Variants in NUMB observed in about 807,000 individuals in gnomAD.
NUMB encodes the protein protein numb homolog.
In NUMB, 29 loss-of-function variants were observed where a neutral mutation model predicts 59.7. That is an observed-to-expected ratio of 0.49 (90% CI 0.36 to 0.66). The LOEUF is 0.66. Among genes scored for constraint, NUMB ranks in the 30% least tolerant of loss-of-function variants. The pLI is 0.00. For missense variants in NUMB, 723 were observed against 822.0 expected, an observed-to-expected ratio of 0.88 and a Z score of 1.47; for synonymous variants, 288 against 288.2, an observed-to-expected ratio of 1.00 and a Z score of 0.01.
At chr14:73,428,771 C>T (rs1241262380) in intron 1 of NUMB, among the ~76,000 whole-genome samples, 2 of 152,106 alleles carry the variant, frequency 1.3e-5, no homozygotes, top group Non-Finnish European at 2.9e-5. Flanking sequence ...ATGATCACAC[C>T]ACTGCACTCC....
intron 1 of NUMB, among the ~76,000 whole-genome samples, chr14:73,444,591 T>C (rs921561586): frequency 2.6e-5 from 4 of 152,084 alleles, no homozygotes; most frequent in African/African-American, 9.7e-5. Context: ...TATACATACA[T>C]ACATATGTTT....
At chr14:73,352,537 T>TTG (rs1893453260) in intron 4 of NUMB, among the ~76,000 whole-genome samples, 1 of 76,052 alleles carries the variant, frequency 1.3e-5, no homozygotes, top group African/African-American at 4.5e-5. Flanking sequence ...TATGTTTTTT[T>TTG]TTTTTTTTTT....
chr14:73,377,998 CACACACACACACACACACACAT>C (rs1895043265), intron 2 of NUMB, among the ~76,000 whole-genome samples: 2 of 135,340 alleles, frequency 1.5e-5, no homozygotes, highest in Admixed American at 1.4e-4. Flanking sequence ...TACACATACA[CACACACACACACACACACACAT>C]ACACACACAC....
At chr14:73,350,307 G>A (rs1187843500) in intron 4 of NUMB, among the ~76,000 whole-genome samples, 1 of 151,208 alleles carries the variant, frequency 6.6e-6, no homozygotes, top group East Asian at 2.0e-4. Context: ...CCGAGTAGCT[G>A]GGGTTACAGG....
chr14:73,364,637 A>AT (rs533018770), intron 3 of NUMB, among the ~76,000 whole-genome samples: 4 of 151,204 alleles, frequency 2.6e-5, no homozygotes, highest in Admixed American at 6.6e-5. Flanking sequence ...AATGCGCACT[A>AT]TTTTTTTTTA....
At chr14:73,416,347 T>TTA (rs1555380760) in intron 1 of NUMB, among the ~76,000 whole-genome samples, 1 of 151,448 alleles carries the variant, frequency 6.6e-6, no homozygotes, top group Admixed American at 6.6e-5. Context: ...TTTTTTTTTT[T>TTA]ACTAGAATCA....
Position 73,276,644 on chromosome 14 carries a change from A to G in NUMB, c.1890T>C (p.Arg630=). ...AAGGGTTGGTAGGGGAGGGATTAGT[A>G]CGCTGCTTGGACTTATTTTCTAATG... is the stretch of plus-strand genomic sequence containing the variant. ...WAALENKSKQ[R]TNPSPTNPFS... Residue 630 remains arginine (R), a synonymous_variant, in exon 13 of 13, where the codon CGT becomes CGC. Coordinates refer to ENST00000555238, the MANE Select transcript of NUMB (RefSeq NM_001005743.2). The G allele has an allele frequency of 5.6e-6, 9 of 1,614,224 alleles. No individual in the cohort carries two copies. The highest frequency in any genetic ancestry group is 7.6e-6 in the Non-Finnish European group (9 of 1,180,034).
intron 4 of NUMB, among the ~76,000 whole-genome samples, chr14:73,352,853 A>G (rs1893492056): frequency 6.7e-6 from 1 of 150,116 alleles, no homozygotes; most frequent in Admixed American, 6.7e-5. Context: ...GTAATAGTAT[A>G]TTGTTAATGC....
At chr14:73,281,207 C>T (rs1475239627) in intron 11 of NUMB, among the ~76,000 whole-genome samples, 1 of 151,542 alleles carries the variant, frequency 6.6e-6, no homozygotes, top group East Asian at 1.9e-4. Flanking sequence ...TAAATCCTGT[C>T]TGTAAGATTT....
intron 4 of NUMB, among the ~76,000 whole-genome samples, chr14:73,349,314 A>C (rs1893073843): frequency 6.6e-6 from 1 of 152,142 alleles, no homozygotes; most frequent in Non-Finnish European, 1.5e-5. Flanking sequence ...TAGGCCGGGC[A>C]CAGTGGCTCA....
chr14:73,439,971 T>C (rs150630081), intron 1 of NUMB, among the ~76,000 whole-genome samples: 27 of 152,304 alleles, frequency 1.8e-4, no homozygotes, highest in African/African-American at 6.0e-4. Flanking sequence ...GATGAAATTA[T>C]ATACAACCTG....
rs566563352 is a variant in NUMB, at chr14:73,412,228, A to C, written c.-232-2160T>G. Among the ~76,000 whole-genome samples the C allele has an allele frequency of 3.3e-5, 5 of 152,172 alleles. No individual in the cohort carries two copies. In the South Asian group the frequency reaches 1.0e-3, roughly 32 times the overall value. On this transcript the variant is annotated intron_variant, in intron 1 of 12. Coordinates refer to ENST00000555238, the MANE Select transcript of NUMB (RefSeq NM_001005743.2). ...CACCACGCCCAGCTGGGCAGCTAAC[A>C]TTTAATGGGGACTGATTATTTGCCA...
intron 1 of NUMB, among the ~76,000 whole-genome samples, chr14:73,425,149 A>G (rs1897524911): frequency 6.6e-6 from 1 of 152,200 alleles, no homozygotes; most frequent in African/African-American, 2.4e-5. Context: ...TGTCTCTATG[A>G]CATCTACACA....
At chr14:73,422,508 A>T (rs1348850177) in intron 1 of NUMB, among the ~76,000 whole-genome samples, 2 of 152,208 alleles carry the variant, frequency 1.3e-5, no homozygotes, top group African/African-American at 2.4e-5. Context: ...ACTATAAAGG[A>T]AACTGAAACT....
At chr14:73,339,649 C>T (rs144864840) in intron 4 of NUMB, among the ~76,000 whole-genome samples, 16 of 152,270 alleles carry the variant, frequency 1.1e-4, no homozygotes, top group African/African-American at 3.1e-4. Context: ...ACCTCAGCCT[C>T]CCAAAGTGTT....
chr14:73,355,623 T>G lies in NUMB; in HGVS notation c.126+3A>C, dbSNP rs202151289. The G allele has an allele frequency of 1.5e-4, 249 of 1,612,296 alleles. No homozygotes were observed. The African/African-American group carries it at 2.9e-3, about 19-fold the overall frequency. On this transcript the variant is annotated splice_donor_region_variant and intron_variant, in intron 4 of 12. Coordinates refer to ENST00000555238, the MANE Select transcript of NUMB (RefSeq NM_001005743.2). ...ACAGACTTATAGAAACATCAGCTCT[T>G]ACCTTAACCGGGAAGCTACATTTTC...
Position 73,276,636 on chromosome 14 carries a change from G to A in NUMB, c.1898C>T (p.Pro633Leu), listed in dbSNP as rs1328274944. The change falls in exon 13 of 13, where the codon CCC (proline) becomes CTC (leucine). Residue 633 changes from proline to leucine, a missense_variant. Pro to Leu is a moderately conservative substitution (Grantham distance 98). This residue lies in a region of NUMB where 406 missense variants were observed against 385.4 expected (regional missense o/e 1.05). Coordinates refer to ENST00000555238, the MANE Select transcript of NUMB (RefSeq NM_001005743.2). ...LENKSKQRTN[P>L]SPTNPFSSDL... ...ACTGGAGAAAGGGTTGGTAGGGGAG[G>A]GATTAGTACGCTGCTTGGACTTATT... The A allele has an allele frequency of 6.2e-7, 1 of 1,614,050 alleles. No homozygotes were observed. Among genetic ancestry groups the A allele is most frequent in the Non-Finnish European group, 8.5e-7 (1 of 1,180,036 alleles).
intron 6 of NUMB, among the ~76,000 whole-genome samples, chr14:73,311,031 C>G (rs1219623490): frequency 2.6e-5 from 4 of 152,054 alleles, no homozygotes; most frequent in Non-Finnish European, 1.5e-5. Flanking sequence ...ATTGGCTTTC[C>G]TAAGGCAATG....
intron 6 of NUMB, among the ~76,000 whole-genome samples, chr14:73,313,535 T>C (rs12880876): frequency 0.014 from 2,173 of 150,316 alleles, 25 homozygotes; most frequent in Middle Eastern, 0.024. Flanking sequence ...ACTAAAATTA[T>C]TTAAAGTATT....
Sources: gnomAD v4.1 joint callset for allele counts (sites outside exome capture counted in the v4.1 genomes callset) on GRCh38, gnomAD v4.1.1 for gene constraint, gnomAD v4.1.1 regional missense constraint, MANE v1.5 for transcripts, NCBI Gene and HGNC (gene_info 2026-07-23, HGNC 2026-07-21) for gene names.